Variants in PROM1 observed in about 807,000 individuals in gnomAD.
PROM1 encodes the protein prominin-1.
Under a neutral mutation model 116.9 loss-of-function variants are expected in PROM1, and 105 were observed. That is an observed-to-expected ratio of 0.90 (90% CI 0.77 to 1.06). The LOEUF (loss-of-function observed/expected upper bound fraction) is 1.06, where lower values mean the gene tolerates loss of function less well. PROM1 is among the 50% of genes least tolerant of loss of function. The pLI, the probability that PROM1 is intolerant of heterozygous loss-of-function variation, is 0.00. For synonymous variants in PROM1, 393 were observed against 387.0 expected (o/e 1.02, Z -0.18); for missense variants, 1,122 against 1,045.2 (o/e 1.07, Z -1.01).
rs1335401656 is a variant in PROM1 at position 16,018,409 on chromosome 4, G to A, written c.916C>T (p.Leu306=). The A allele has an allele frequency of 1.2e-6, 2 of 1,613,878 alleles. No homozygotes were observed. The highest frequency in any genetic ancestry group is 3.3e-5 in the Admixed American group (2 of 60,038). The change falls in exon 9 of 28, where the codon CTG becomes TTG. Residue 306 remains leucine, a synonymous_variant. Coordinates refer to ENST00000447510, the MANE Select transcript of PROM1 (RefSeq NM_006017.3). The part of the protein sequence containing the change: ...TSLRSSLNDP[L]CLVHPSSETC... ...TCACTTGATGGATGCACCAAGCACA[G>A]AGGGTCATTGAGAGATGACCGCAGG...
chr4:16,000,320 T>G (rs1374609211), intron 14 of PROM1, among the ~76,000 whole-genome samples, 176 bp downstream of exon 14: 1 of 152,184 alleles, frequency 6.6e-6, no homozygotes. Flanking sequence ...ATAGAAAGGA[T>G]CTACTGAATT....
chr4:16,070,153 T>G (rs533219885), intron 2 of PROM1, among the ~76,000 whole-genome samples: 1 of 152,266 alleles, frequency 6.6e-6, no homozygotes, highest in East Asian at 1.9e-4. Flanking sequence ...TTCCCCCCTT[T>G]AGATCAACCT....
intron 2 of PROM1, among the ~76,000 whole-genome samples, chr4:16,041,490 G>T (rs1001010986): frequency 3.3e-5 from 5 of 152,114 alleles, no homozygotes; most frequent in Non-Finnish European, 5.9e-5. Flanking sequence ...TGGAAGAAAA[G>T]TTGATGGCCA....
At chr4:15,974,031 T>C (rs1043586455) in intron 26 of PROM1, among the ~76,000 whole-genome samples, 2 of 152,090 alleles carry the variant, frequency 1.3e-5, no homozygotes, top group African/African-American at 4.8e-5. Flanking sequence ...CAACTTTCTC[T>C]CCTGATCTCT....
intron 2 of PROM1, among the ~76,000 whole-genome samples, chr4:16,063,057 C>T (rs1192055036): frequency 6.6e-6 from 1 of 152,188 alleles, no homozygotes; most frequent in Non-Finnish European, 1.5e-5. Flanking sequence ...AACTATCCAT[C>T]TCCTGATGTA....
At chr4:15,979,848 A>G in intron 25 of PROM1, 33 bp downstream of exon 25, 1 of 1,435,488 alleles carries the variant, frequency 7.0e-7, no homozygotes, top group South Asian at 1.3e-5. Flanking sequence ...CCCCCATCCC[A>G]TCTAGGAATA....
At chr4:16,012,753 C>A (rs1301418785) in intron 11 of PROM1, among the ~76,000 whole-genome samples, 2 of 151,642 alleles carry the variant, frequency 1.3e-5, no homozygotes, top group Non-Finnish European at 2.9e-5. Context: ...CACCTGTAGT[C>A]CCAGCTACTC....
chr4:16,004,914 C>CT (rs1382764717), intron 13 of PROM1, among the ~76,000 whole-genome samples: 2 of 108,586 alleles, frequency 1.8e-5, no homozygotes, highest in Admixed American at 1.0e-4. Flanking sequence ...TCCCTTCCTT[C>CT]CTTCCTTCCT....
At chr4:16,031,069 A>G (rs906001022) in intron 5 of PROM1, among the ~76,000 whole-genome samples, 4 of 152,316 alleles carry the variant, frequency 2.6e-5, no homozygotes, top group East Asian at 1.9e-4. Context: ...AACCCAATAT[A>G]TTGGAAACCG....
intron 8 of PROM1, among the ~76,000 whole-genome samples, chr4:16,022,785 C>A (rs1730226238): frequency 6.6e-6 from 1 of 152,084 alleles, no homozygotes; most frequent in Non-Finnish European, 1.5e-5. Context: ...TACCATTGAC[C>A]ATGGAGGCTT....
rs533651996 is a variant in PROM1 at position 15,973,448 on chromosome 4, AAAC to A, written c.2583-2369_2583-2367del. Among the ~76,000 whole-genome samples the A allele has an allele frequency of 1.0e-3, 154 of 152,316 alleles. 1 individual carries two copies. The highest frequency in any genetic ancestry group is 3.2e-3 in the African/African-American group (132 of 41,574). Reference sequence around the variant, plus strand: ...TGTGACAGAGTGGAATCTGTGTCTCAAACAACAACAACAGCAAAGAATCTACAG... The same window carrying A: ...TGTGACAGAGTGGAATCTGTGTCTCAAACAACAACAGCAAAGAATCTACAG... On this transcript the variant is annotated intron_variant, in intron 26 of 27. Transcript: ENST00000447510.
intron 4 of PROM1, among the ~76,000 whole-genome samples, chr4:16,035,462 G>T (rs1733739550): frequency 6.6e-6 from 1 of 152,126 alleles, no homozygotes; most frequent in South Asian, 2.1e-4. Flanking sequence ...AACAAGATAC[G>T]GCATTTCAAG....
intron 5 of PROM1, among the ~76,000 whole-genome samples, chr4:16,029,624 G>A (rs568668827): frequency 6.6e-6 from 1 of 152,076 alleles, no homozygotes; most frequent in Non-Finnish European, 1.5e-5. Context: ...ATCTGCTAGG[G>A]CATCTTTCTC....
At chr4:16,032,150 C>CTT (rs112233749) in intron 5 of PROM1, among the ~76,000 whole-genome samples, 20,401 of 148,362 alleles carry the variant, frequency 0.14, 1,680 homozygotes, top group East Asian at 0.32. Context: ...CCTTCCTGAT[C>CTT]TTTTTTTTTT....
intron 2 of PROM1, among the ~76,000 whole-genome samples, chr4:16,073,091 C>T (rs1055869486): frequency 2.0e-5 from 3 of 152,168 alleles, no homozygotes; most frequent in African/African-American, 7.2e-5. Context: ...GCTGGCTCTG[C>T]TTGAATTAAA....
intron 26 of PROM1, among the ~76,000 whole-genome samples, chr4:15,975,258 C>T (rs1044590709): frequency 1.3e-5 from 2 of 152,190 alleles, no homozygotes; most frequent in African/African-American, 4.8e-5. Context: ...CTCACTCTGT[C>T]GTCCTGGATG....
At chr4:16,061,727 G>A (rs915643851) in intron 2 of PROM1, among the ~76,000 whole-genome samples, 3 of 152,102 alleles carry the variant, frequency 2.0e-5, no homozygotes, top group African/African-American at 7.2e-5. Context: ...AGTTCTGAAG[G>A]CTAGCAATCC....
chr4:16,029,213 T>C lies in PROM1; in HGVS notation c.510-3901A>G, dbSNP rs777882781. 1.5e-4 allele frequency among the ~76,000 whole-genome samples: 23 copies of C among 152,358 alleles called. 1 individual carries two copies. Among genetic ancestry groups the C allele is most frequent in the Middle Eastern group, 3.4e-3 (1 of 294 alleles). ...AACCTTGTAGCCTCCCATTCAGGAA[T>C]TGGCAATCACGTCCTAGTATAAAAT... On this transcript the variant is annotated intron_variant, in intron 5 of 27. Coordinates refer to ENST00000447510, the MANE Select transcript of PROM1 (RefSeq NM_006017.3).
chr4:16,019,468 C>T (rs1253003709), intron 8 of PROM1, among the ~76,000 whole-genome samples: 1 of 152,216 alleles, frequency 6.6e-6, no homozygotes, highest in Non-Finnish European at 1.5e-5. Context: ...TCCACTTAAA[C>T]AATGTTTTCA....
Sources: gnomAD v4.1 joint callset for allele counts (sites outside exome capture counted in the v4.1 genomes callset) on GRCh38, gnomAD v4.1.1 for gene constraint, MANE v1.5 for transcripts, NCBI Gene and HGNC (gene_info 2026-07-23, HGNC 2026-07-21) for gene names.